Variants in ANKRD31 observed in about 807,000 individuals in gnomAD.
The protein encoded by ANKRD31 is ankyrin repeat domain-containing protein 31.
Under a neutral mutation model 186.0 loss-of-function variants are expected in ANKRD31, and 147 were observed. The observed-to-expected ratio is 0.79, with a 90% confidence interval of 0.69 to 0.91. The LOEUF (loss-of-function observed/expected upper bound fraction) is 0.91, where lower values mean the gene tolerates loss of function less well. Among genes scored for constraint, ANKRD31 ranks in the 40% least tolerant of loss-of-function variants. The pLI, the probability that ANKRD31 is intolerant of heterozygous loss-of-function variation, is 0.00. For synonymous variants in ANKRD31, 673 were observed against 736.4 expected (o/e 0.91, Z 1.39); for missense variants, 1,986 against 2,148.8 (o/e 0.92, Z 1.50).
intron 1 of ANKRD31, among the ~76,000 whole-genome samples, chr5:75,234,832 G>GC (rs112042332): frequency 1.3e-5 from 2 of 150,334 alleles, no homozygotes; most frequent in Non-Finnish European, 3.0e-5. Flanking sequence ...AATACTTTTT[G>GC]GTTTTTTTTT....
At chr5:75,072,622 C>T (rs991689992) in intron 25 of ANKRD31, among the ~76,000 whole-genome samples, 1 of 152,130 alleles carries the variant, frequency 6.6e-6, no homozygotes, top group Admixed American at 6.5e-5. Context: ...CAAACCTAAT[C>T]TTACATAATA....
At chr5:75,232,409 G>A (rs1237484017) in intron 1 of ANKRD31, among the ~76,000 whole-genome samples, 1 of 152,044 alleles carries the variant, frequency 6.6e-6, no homozygotes, top group Non-Finnish European at 1.5e-5. Context: ...GATTACAAGT[G>A]CCTGCCATCA....
intron 2 of ANKRD31, among the ~76,000 whole-genome samples, chr5:75,226,474 C>T (rs1048513384): frequency 1.3e-5 from 2 of 152,082 alleles, no homozygotes; most frequent in African/African-American, 4.8e-5. Flanking sequence ...CAGTATTACC[C>T]TGATACCACA....
At position 75,105,174 on chromosome 5, in the gene ANKRD31, A is replaced by G. The variant is rs1379695105; in HGVS notation, c.4385T>C (p.Leu1462Ser). Residue 1462 changes from leucine to serine, a missense_variant, in exon 22 of 26, where the codon TTG becomes TCG. Leu to Ser is a moderately radical substitution (Grantham distance 145, BLOSUM62 -2). Transcript: ENST00000506364. ...CTTCTGTCTTGCAGCCAAGTTGGCC[A>G]ATTGTTCTCTCAGGGCTCCATGCTT... ...SFKHGALREQ[L>S]ANLAARQKSL... The G allele has an allele frequency of 2.0e-6, 3 of 1,535,314 alleles. No homozygotes were observed. Among genetic ancestry groups the G allele is most frequent in the Admixed American group, 3.9e-5 (2 of 50,672 alleles).
chr5:75,079,560 C>G (rs1306623521), intron 25 of ANKRD31, among the ~76,000 whole-genome samples: 1 of 151,960 alleles, frequency 6.6e-6, no homozygotes, highest in African/African-American at 2.4e-5. Context: ...CTGCAACCTC[C>G]GCCTCTCGGA....
chr5:75,209,012 G>A (rs1756436289), intron 4 of ANKRD31, among the ~76,000 whole-genome samples: 1 of 152,064 alleles, frequency 6.6e-6, no homozygotes, highest in South Asian at 2.1e-4. Flanking sequence ...GAGGGTAGAG[G>A]ACGCTTTCCC....
chr5:75,122,733 C>A (rs1748901789), intron 17 of ANKRD31, among the ~76,000 whole-genome samples: 1 of 151,864 alleles, frequency 6.6e-6, no homozygotes, highest in African/African-American at 2.4e-5. Flanking sequence ...ATTGAACATC[C>A]CCTCATGATA....
At chr5:75,127,205 A>G (rs1356284795) in intron 17 of ANKRD31, among the ~76,000 whole-genome samples, 2 of 151,444 alleles carry the variant, frequency 1.3e-5, no homozygotes, top group Non-Finnish European at 2.9e-5. Context: ...AAAAAAATCA[A>G]CTGAACACAT....
At chr5:75,232,717 A>G (rs1243222018) in intron 1 of ANKRD31, among the ~76,000 whole-genome samples, 1 of 152,190 alleles carries the variant, frequency 6.6e-6, no homozygotes, top group African/African-American at 2.4e-5. Flanking sequence ...AACTTTATGT[A>G]AATTCCTCCT....
intron 21 of ANKRD31, 129 bp from the exon 22 acceptor site, chr5:75,105,347 G>T: frequency 2.1e-6 from 2 of 973,642 alleles, no homozygotes; most frequent in Non-Finnish European, 2.7e-6. Flanking sequence ...CTATGCCTGT[G>T]CAATTTACTG....
chr5:75,192,720 C>T lies in ANKRD31; in HGVS notation c.1355G>A (p.Arg452Lys), dbSNP rs1034865794. Residue 452 changes from arginine to lysine, a missense_variant, in exon 9 of 26, where the codon AGG (arginine) becomes AAG (lysine). Coordinates refer to ENST00000506364, the MANE Select transcript of ANKRD31 (RefSeq NM_001372053.1). ...CCTGATCTGTTTTCCATTCTTGAAC[C>T]TTGCTGAATGCATATTCTTCTCTTT... is the stretch of plus-strand genomic sequence containing the variant. ...DGKEKNMHSA[R>K]FKNGKQIRKN... The T allele has an allele frequency of 2.0e-6, 3 of 1,535,128 alleles. No individual in the cohort carries two copies. Among genetic ancestry groups the T allele is most frequent in the Non-Finnish European group, 1.7e-6 (2 of 1,146,000 alleles).
chr5:75,147,636 C>A, intron 13 of ANKRD31, 131 bp from the exon 14 acceptor site: 1 of 755,244 alleles, frequency 1.3e-6, no homozygotes, highest in Non-Finnish European at 2.0e-6. Flanking sequence ...AACCACAGAT[C>A]CTGCTGGGAT....
chr5:75,118,049 T>C (rs1003859181), intron 18 of ANKRD31, 86 bp downstream of exon 18: 3 of 1,063,354 alleles, frequency 2.8e-6, no homozygotes, highest in Non-Finnish European at 3.7e-6. Flanking sequence ...ATCCCAGTTA[T>C]GAAACAATTT....
intron 23 of ANKRD31, among the ~76,000 whole-genome samples, chr5:75,085,806 A>T (rs1338184722): frequency 6.6e-6 from 1 of 152,230 alleles, no homozygotes; most frequent in East Asian, 1.9e-4. Flanking sequence ...GGATTAAAAG[A>T]GATAATGCAT....
chr5:75,181,400 A>T (rs1466829064), intron 10 of ANKRD31, among the ~76,000 whole-genome samples: 1 of 152,162 alleles, frequency 6.6e-6, no homozygotes, highest in African/African-American at 2.4e-5. Flanking sequence ...TACCCAAAGG[A>T]TTATAAATCA....
intron 9 of ANKRD31, 140 bp from the exon 10 acceptor site, chr5:75,188,788 A>G: frequency 1.5e-6 from 1 of 684,414 alleles, no homozygotes; most frequent in Admixed American, 3.3e-5. Flanking sequence ...GTAGAAGTGA[A>G]GTATATTATG....
At chr5:75,178,602 A>G (rs891102128) in intron 10 of ANKRD31, among the ~76,000 whole-genome samples, 6 of 152,184 alleles carry the variant, frequency 3.9e-5, no homozygotes, top group Admixed American at 1.3e-4. Flanking sequence ...GCTCGACTAC[A>G]TGGAAACTGA....
chr5:75,218,662 A>AT (rs1757109635), intron 3 of ANKRD31, among the ~76,000 whole-genome samples: 1 of 152,180 alleles, frequency 6.6e-6, no homozygotes, highest in Non-Finnish European at 1.5e-5. Context: ...ACTTCAGGCC[A>AT]ATATCCTTGA....
intron 4 of ANKRD31, among the ~76,000 whole-genome samples, chr5:75,208,156 A>C (rs1485496612): frequency 6.6e-6 from 1 of 152,184 alleles, no homozygotes; most frequent in African/African-American, 2.4e-5. Flanking sequence ...CTATCATCCT[A>C]TATCTGCTAC....
Sources: gnomAD v4.1 joint callset for allele counts (sites outside exome capture counted in the v4.1 genomes callset) on GRCh38, gnomAD v4.1.1 for gene constraint, MANE v1.5 for transcripts, NCBI Gene and HGNC (gene_info 2026-07-23, HGNC 2026-07-21) for gene names.